The following TUBA8 variants were observed in gnomAD, a reference collection of about 807,000 sequenced individuals.
TUBA8 encodes tubulin alpha 8, also known as tubulin alpha-8 chain.
Under a neutral mutation model 34.7 loss-of-function variants are expected in TUBA8, and 29 were observed. The observed-to-expected ratio is 0.84, with a 90% CI of 0.62 to 1.14. The LOEUF is 1.14. TUBA8 is among the 50% of genes most tolerant of loss of function. The pLI is 0.00. For synonymous variants in TUBA8, 226 were observed against 231.2 expected (o/e 0.98, Z 0.21); for missense variants, 541 against 599.2 (o/e 0.90, Z 1.01).
In TUBA8 at chr22:18,124,667, G is replaced by A. The variant is rs764324852; in HGVS notation, c.375+363G>A. Reference sequence around the variant, plus strand: ...AGGAAGAGATTGTTGATACATTTGGGCACTTACAAGTGCCATTACAGATGT... The same window carrying A: ...AGGAAGAGATTGTTGATACATTTGGACACTTACAAGTGCCATTACAGATGT... On this transcript the variant is annotated intron_variant, in intron 3 of 4. Coordinates refer to ENST00000330423, the MANE Select transcript of TUBA8 (RefSeq NM_018943.3). The surrounding 1 kb of genome is among the most constrained non-coding windows in gnomAD (Gnocchi z 4.3). The A allele has an allele frequency of 4.3e-5, 9 of 209,092 alleles. No homozygotes were observed. The highest frequency in any genetic ancestry group is 7.8e-5 in the Non-Finnish European group (8 of 102,632). The allele number at this position is 209,092 out of a possible 1,614,324, so 13.0% of individuals were successfully genotyped here. A position where few individuals can be genotyped will look rare whatever the true frequency, so the allele number is the denominator to read the frequency against.
Position 18,127,042 on chromosome 22 carries a change from C to G in TUBA8, c.1056+8C>G. 1 of 1,614,022 alleles carries G rather than the reference C, an allele frequency of 6.2e-7. No homozygotes were observed. The highest frequency in any genetic ancestry group is 8.5e-7 in the Non-Finnish European group (1 of 1,180,010). Reference sequence around the variant, plus strand: ...TGTCCCACAGGCTTCAAGGTGAGAGCTGATGACTTAGGAAGGGGAGAGAGG... The same window carrying G: ...TGTCCCACAGGCTTCAAGGTGAGAGGTGATGACTTAGGAAGGGGAGAGAGG... On this transcript the variant is annotated splice_region_variant and intron_variant, in intron 4 of 4. Coordinates refer to ENST00000330423, the MANE Select transcript of TUBA8 (RefSeq NM_018943.3).
At chr22:18,115,373 G>C (rs1444814545) in intron 1 of TUBA8, 1 of 152,286 alleles carries the variant, frequency 6.6e-6, no homozygotes, top group Non-Finnish European at 1.5e-5. Context: ...CACTTGACCC[G>C]TACACTTCTT....
chr22:18,121,593 G>A lies in TUBA8; in HGVS notation c.118G>A (p.Ala40Thr). Residue 40 changes from alanine (A) to threonine (T), a missense_variant, in exon 2 of 5, where the codon GCT becomes ACT. Ala to Thr is a moderately conservative substitution (Grantham distance 58, BLOSUM62 0). Transcript: ENST00000330423. This position sits in a 1 kb window ranked among gnomAD's most constrained non-coding sequence, Gnocchi z 4.8. ...IQADGTFDAQ[A>T]SKINDDDSFT... ...GGCAGACGGCACTTTTGATGCTCAA[G>A]CTAGCAAGATCAACGATGATGACTC... 6.2e-7 allele frequency: 1 copy of A among 1,614,230 alleles called. No homozygotes were observed. The highest frequency in any genetic ancestry group is 8.5e-7 in the Non-Finnish European group (1 of 1,180,046).
At position 18,121,664 on chromosome 22, in the gene TUBA8, C is replaced by T. The variant is rs199826214; in HGVS notation, c.189C>T (p.Pro63=). Residue 63 remains proline, a synonymous_variant, in exon 2 of 5, where the codon CCC becomes CCT. Coordinates refer to ENST00000330423, the MANE Select transcript of TUBA8 (RefSeq NM_018943.3). This position sits in a 1 kb window ranked among gnomAD's most constrained non-coding sequence, Gnocchi z 4.8. Reference sequence around the variant, plus strand: ...AGACTGGCAATGGGAAGCATGTGCCCCGGGCCGTCATGATAGATCTGGAGC... The same window carrying T: ...AGACTGGCAATGGGAAGCATGTGCCTCGGGCCGTCATGATAGATCTGGAGC... ...FSETGNGKHV[P]RAVMIDLEPT... is the part of the protein sequence containing the mutation. 1.2e-4 allele frequency: 193 copies of T among 1,614,082 alleles called. No individual in the cohort carries two copies. The highest frequency in any genetic ancestry group is 6.7e-4 in the South Asian group (61 of 91,096).
At position 18,127,006 on chromosome 22, in the gene TUBA8, T is replaced by C; in HGVS notation, c.1028T>C (p.Phe343Ser). The change falls in exon 4 of 5, where the codon TTT (phenylalanine) becomes TCT (serine). Residue 343 changes from phenylalanine (F) to serine (S), a missense_variant. Coordinates refer to ENST00000330423, the MANE Select transcript of TUBA8 (RefSeq NM_018943.3). ...ATCAAGACCAAGAGGACCATCCAGT[T>C]TGTAGACTGGTGTCCCACAGGCTTC... The part of the protein sequence containing the change: ...AAIKTKRTIQ[F>S]VDWCPTGFKV... The C allele has an allele frequency of 6.2e-7, 1 of 1,614,108 alleles. No individual in the cohort carries two copies. Among genetic ancestry groups the C allele is most frequent in the African/African-American group, 1.3e-5 (1 of 75,016 alleles).
At position 18,131,176 on chromosome 22, in the gene TUBA8, T is replaced by C. The variant is rs754734849; in HGVS notation, c.*40T>C. ...CTTGGCTGTGTCTCTTTATTTATGC[T>C]GTGCCATTCAAAGCACATGTTCAAG... On this transcript the variant is annotated 3_prime_UTR_variant, in exon 5 of 5. Transcript: ENST00000330423. The surrounding 1 kb of genome is among the most constrained non-coding windows in gnomAD (Gnocchi z 5.3). 1 of 1,592,744 alleles carries C rather than the reference T, an allele frequency of 6.3e-7. No individual in the cohort carries two copies. The highest frequency in any genetic ancestry group is 8.6e-7 in the Non-Finnish European group (1 of 1,162,514).
At position 18,121,637 on chromosome 22, in the gene TUBA8, C is replaced by T. The variant is rs200313963; in HGVS notation, c.162C>T (p.Ser54=). 52 of 1,614,156 alleles carry T rather than the reference C, an allele frequency of 3.2e-5. No homozygotes were observed. Among genetic ancestry groups the T allele is most frequent in the Admixed American group, 2.0e-4 (12 of 60,022 alleles). ...NDDDSFTTFF[S]ETGNGKHVPR... is the part of the protein sequence containing the mutation. ...ATGACTCCTTCACCACCTTTTTCAGCGAGACTGGCAATGGGAAGCATGTGC... is the reference window on the plus strand; with the variant it reads ...ATGACTCCTTCACCACCTTTTTCAGTGAGACTGGCAATGGGAAGCATGTGC... Residue 54 remains serine (S), a synonymous_variant, in exon 2 of 5, where the codon AGC becomes AGT. Coordinates refer to ENST00000330423, the MANE Select transcript of TUBA8 (RefSeq NM_018943.3). This position sits in a 1 kb window ranked among gnomAD's most constrained non-coding sequence, Gnocchi z 4.8.
In TUBA8 at chr22:18,124,302, C is replaced by T. The variant is rs1928252575; in HGVS notation, c.373C>T (p.Leu125=). 6.2e-7 allele frequency: 1 copy of T among 1,613,174 alleles called. No individual in the cohort carries two copies. Among genetic ancestry groups the T allele is most frequent in the African/African-American group, 1.3e-5 (1 of 74,742 alleles). ...IDLVLDRIRK[L]TDACSGLQGF... ...CCTGGTGCTGGACCGCATACGGAAGCTGGTAAGATCAGGAGGGCAGGGGAC... is the reference window on the plus strand; with the variant it reads ...CCTGGTGCTGGACCGCATACGGAAGTTGGTAAGATCAGGAGGGCAGGGGAC... Residue 125 remains leucine, a splice_region_variant and synonymous_variant, in exon 3 of 5, where the codon CTG becomes TTG. Coordinates refer to ENST00000330423, the MANE Select transcript of TUBA8 (RefSeq NM_018943.3). This position sits in a 1 kb window ranked among gnomAD's most constrained non-coding sequence, Gnocchi z 4.3.
Position 18,121,822 on chromosome 22 carries a change from C to G in TUBA8, c.226+121C>G. The G allele has an allele frequency of 1.1e-6, 1 of 924,486 alleles. No individual in the cohort carries two copies. The highest frequency in any genetic ancestry group is 1.7e-6 in the Non-Finnish European group (1 of 600,236). The allele number at this position is 924,486 out of a possible 1,614,324, so 57.3% of individuals were successfully genotyped here. Reference sequence around the variant, plus strand: ...GGTGGGGATGGTGCAACCGCAGCCTCCCACCCCACGTGACATCTGTCAGCT... The same window carrying G: ...GGTGGGGATGGTGCAACCGCAGCCTGCCACCCCACGTGACATCTGTCAGCT... On this transcript the variant is annotated intron_variant, in intron 2 of 4. Coordinates refer to ENST00000330423, the MANE Select transcript of TUBA8 (RefSeq NM_018943.3). This position sits in a 1 kb window ranked among gnomAD's most constrained non-coding sequence, Gnocchi z 4.8.
Position 18,111,283 on chromosome 22 carries a change from G to C in TUBA8, c.3+415G>C. On this transcript the variant is annotated intron_variant, in intron 1 of 4. Coordinates refer to ENST00000330423, the MANE Select transcript of TUBA8 (RefSeq NM_018943.3). The surrounding 1 kb of genome is among the most constrained non-coding windows in gnomAD (Gnocchi z 5.1). Reference sequence around the variant, plus strand: ...GGGGGCCAGATGCAGTCACGTCTCCGAACCCAGCCTAATGTGACAGGGCCC... The same window carrying C: ...GGGGGCCAGATGCAGTCACGTCTCCCAACCCAGCCTAATGTGACAGGGCCC... 1 of 257,866 alleles carries C rather than the reference G, an allele frequency of 3.9e-6. No homozygotes were observed. The highest frequency in any genetic ancestry group is 7.4e-6 in the Non-Finnish European group (1 of 134,290). The allele number at this position is 257,866 out of a possible 1,614,324, so 16.0% of individuals were successfully genotyped here.
rs899632449 is a variant in TUBA8, at chr22:18,121,277, C to T, written c.4-202C>T. 1 of 600,288 alleles carries T rather than the reference C, an allele frequency of 1.7e-6. No individual in the cohort carries two copies. The allele number at this position is 600,288 out of a possible 1,614,324, so 37.2% of individuals were successfully genotyped here. ...CAACCCTGGGAAGCAACCTTTAGAGCAAAGCACAAAACAGCTGTGTCTTCT... is the reference window on the plus strand; with the variant it reads ...CAACCCTGGGAAGCAACCTTTAGAGTAAAGCACAAAACAGCTGTGTCTTCT... On this transcript the variant is annotated intron_variant, in intron 1 of 4. Transcript: ENST00000330423. The surrounding 1 kb of genome is among the most constrained non-coding windows in gnomAD (Gnocchi z 4.8).
rs753703700 is a variant in TUBA8 at position 18,130,874 on chromosome 22, TC to T, written c.1092del (p.Gly366GlufsTer60). ...ATCAACTACCAGCCCCCGACCGTGG[TC>T]CCCGGGGGAGACCTGGCCAAGGTGC... ...VGINYQPPTV[V>X]PGGDLAKVQR... On this transcript the variant is annotated frameshift_variant, in exon 5 of 5. Coordinates refer to ENST00000330423, the MANE Select transcript of TUBA8 (RefSeq NM_018943.3). LOFTEE classifies it high-confidence loss of function. 2 of 1,613,818 alleles carry T rather than the reference TC, an allele frequency of 1.2e-6. No homozygotes were observed. The highest frequency in any genetic ancestry group is 2.7e-5 in the African/African-American group (2 of 74,896).
At position 18,126,525 on chromosome 22, in the gene TUBA8, G is replaced by A; in HGVS notation, c.547G>A (p.Glu183Lys). 1 of 1,614,092 alleles carries A rather than the reference G, an allele frequency of 6.2e-7. No individual in the cohort carries two copies. Among genetic ancestry groups the A allele is most frequent in the Non-Finnish European group, 8.5e-7 (1 of 1,180,006 alleles). ...PAPQVSTAVV[E>K]PYNSILTTHT... ...CCCCCAGGTCTCTACTGCAGTGGTG[G>A]AGCCCTACAACTCCATCCTGACCAC... The change falls in exon 4 of 5, where the codon GAG (glutamate) becomes AAG (lysine). Residue 183 changes from glutamate (E) to lysine (K), a missense_variant. Glu to Lys is a moderately conservative substitution (Grantham distance 56, BLOSUM62 1). Coordinates refer to ENST00000330423, the MANE Select transcript of TUBA8 (RefSeq NM_018943.3). The surrounding 1 kb of genome is among the most constrained non-coding windows in gnomAD (Gnocchi z 4.0).
Position 18,110,893 on chromosome 22 carries a change from G to C in TUBA8, c.3+25G>C. 6.5e-7 allele frequency: 1 copy of C among 1,545,084 alleles called. No homozygotes were observed. Among genetic ancestry groups the C allele is most frequent in the Non-Finnish European group, 8.7e-7 (1 of 1,152,254 alleles). ...GGTGAGGCTTCCCGGGGCCAGGCGG[G>C]CTGCGGGCGCGCGGCAGGCGTAGGA... On this transcript the variant is annotated intron_variant, in intron 1 of 4. Coordinates refer to ENST00000330423, the MANE Select transcript of TUBA8 (RefSeq NM_018943.3). This position sits in a 1 kb window ranked among gnomAD's most constrained non-coding sequence, Gnocchi z 6.2.
chr22:18,131,221 GC>G lies in TUBA8; in HGVS notation c.*89del. ...TTCAAGAGAACAGAACACTCTCCCCGCCCCAGCCTGATTCCTGCCTTACCCA... is the reference window on the plus strand; with the variant it reads ...TTCAAGAGAACAGAACACTCTCCCCGCCCAGCCTGATTCCTGCCTTACCCA... On this transcript the variant is annotated 3_prime_UTR_variant, in exon 5 of 5. Coordinates refer to ENST00000330423, the MANE Select transcript of TUBA8 (RefSeq NM_018943.3). This position sits in a 1 kb window ranked among gnomAD's most constrained non-coding sequence, Gnocchi z 5.3. The G allele has an allele frequency of 6.9e-7, 1 of 1,451,984 alleles. No homozygotes were observed. Among genetic ancestry groups the G allele is most frequent in the Non-Finnish European group, 9.6e-7 (1 of 1,046,192 alleles). The allele number at this position is 1,451,984 out of a possible 1,614,324, so 89.9% of individuals were successfully genotyped here.
Position 18,111,182 on chromosome 22 carries a change from T to C in TUBA8, c.3+314T>C, listed in dbSNP as rs1927794472. The C allele has an allele frequency of 1.1e-5, 6 of 538,660 alleles. No individual in the cohort carries two copies. Among genetic ancestry groups the C allele is most frequent in the South Asian group, 6.8e-5 (3 of 43,880 alleles). 33.4% of individuals were successfully genotyped at this position (538,660 alleles called of 1,614,324 possible). A position where few individuals can be genotyped will look rare whatever the true frequency, so the allele number is the denominator to read the frequency against. On this transcript the variant is annotated intron_variant, in intron 1 of 4. Coordinates refer to ENST00000330423, the MANE Select transcript of TUBA8 (RefSeq NM_018943.3). The surrounding 1 kb of genome is among the most constrained non-coding windows in gnomAD (Gnocchi z 5.1). ...GGGGCGAGATTCTGGGGTCCCCAGA[T>C]GGGCAGCCTGTGGACAGAGTGGAGA...
In TUBA8 at chr22:18,126,755, G is replaced by T; in HGVS notation, c.777G>T (p.Leu259=). ...NVDLTEFQTN[L]VPYPRIHFPL... Reference sequence around the variant, plus strand: ...ACCTCACTGAGTTCCAGACCAACCTGGTGCCCTACCCCCGCATCCACTTCC... The same window carrying T: ...ACCTCACTGAGTTCCAGACCAACCTTGTGCCCTACCCCCGCATCCACTTCC... Residue 259 remains leucine, a synonymous_variant, in exon 4 of 5, where the codon CTG becomes CTT. Coordinates refer to ENST00000330423, the MANE Select transcript of TUBA8 (RefSeq NM_018943.3). This position sits in a 1 kb window ranked among gnomAD's most constrained non-coding sequence, Gnocchi z 4.0. The T allele has an allele frequency of 2.5e-6, 4 of 1,614,012 alleles. No individual in the cohort carries two copies. Among genetic ancestry groups the T allele is most frequent in the Non-Finnish European group, 3.4e-6 (4 of 1,179,998 alleles).
rs73155261 is a variant in TUBA8 at position 18,111,855 on chromosome 22, C to T, written c.3+987C>T. ...AGGTGTCAGTGATCCAGAAAGCAGG[C>T]GAGAACCCCCTCCGCCCCGCCCTGT... On this transcript the variant is annotated intron_variant, in intron 1 of 4. Transcript: ENST00000330423. The surrounding 1 kb of genome is among the most constrained non-coding windows in gnomAD (Gnocchi z 5.1). 7.7e-3 allele frequency: 1,179 copies of T among 152,398 alleles called. 9 individuals carry two copies. The highest frequency in any genetic ancestry group is 8.2e-3 in the Non-Finnish European group (561 of 68,152). 9.4% of individuals were successfully genotyped at this position (152,398 alleles called of 1,614,324 possible).
At chr22:18,130,667 C>T in intron 4 of TUBA8, 176 bp from the exon 5 acceptor site, 1 of 738,842 alleles carries the variant, frequency 1.4e-6, no homozygotes, top group Admixed American at 2.3e-5. Flanking sequence ...CAGCTTCTCC[C>T]TTGCCACCTG....
Sources: allele counts gnomAD v4.1 joint callset, GRCh38; gene constraint gnomAD v4.1.1; non-coding constraint Gnocchi (gnomAD v3.1); transcripts MANE v1.5; gene names NCBI Gene and HGNC (gene_info 2026-07-23, HGNC 2026-07-21).